The following PVR variants were observed in gnomAD, a reference collection of about 807,000 sequenced individuals.
The protein encoded by PVR is PVR cell adhesion molecule.
Under a neutral mutation model 43.3 loss-of-function variants are expected in PVR, and 39 were observed. That is an observed-to-expected ratio of 0.90 (90% CI 0.70 to 1.18). The LOEUF (loss-of-function observed/expected upper bound fraction) is 1.18. PVR is among the 50% of genes most tolerant of loss of function. The pLI, the probability that PVR is intolerant of heterozygous loss-of-function variation, is 0.00. For missense variants in PVR, 480 were observed against 549.7 expected (o/e 0.87, Z 1.27); for synonymous variants, 224 against 233.2 (o/e 0.96, Z 0.36).
chr19:44,660,647 C>T (rs551525920), intron 6 of PVR, among the ~76,000 whole-genome samples: 99 of 152,116 alleles, frequency 6.5e-4, no homozygotes, highest in African/African-American at 2.3e-3. Flanking sequence ...CTCAGCCTCT[C>T]GAGTAGCTGG....
intron 6 of PVR, 142 bp from the exon 7 acceptor site, chr19:44,661,150 T>C (rs1164666256): frequency 1.4e-6 from 1 of 728,536 alleles, no homozygotes; most frequent in Non-Finnish European, 2.5e-6. Flanking sequence ...GACACACGTG[T>C]ATACCATTAA....
rs902454593 is a variant in PVR, at chr19:44,664,711, C to T, written c.*2900C>T. The T allele has an allele frequency of 7.0e-6, 1 of 143,126 alleles. No individual in the cohort carries two copies. Among genetic ancestry groups the T allele is most frequent in the African/African-American group, 2.6e-5 (1 of 39,098 alleles). The allele number at this position is 143,126 out of a possible 1,614,324, so 8.9% of individuals were successfully genotyped here. A position where few individuals can be genotyped will look rare whatever the true frequency, so the allele number is the denominator to read the frequency against. ...ACTTTACACACTGTCATTTATTTTACTTTTTTTTTTTTTTATTTTAGAGAA... is the reference window on the plus strand; with the variant it reads ...ACTTTACACACTGTCATTTATTTTATTTTTTTTTTTTTTTATTTTAGAGAA... On this transcript the variant is annotated 3_prime_UTR_variant, in exon 8 of 8. Coordinates refer to ENST00000425690, the MANE Select transcript of PVR (RefSeq NM_006505.5).
intron 3 of PVR, among the ~76,000 whole-genome samples, chr19:44,652,251 T>C (rs1973302196): frequency 6.6e-6 from 1 of 152,188 alleles, no homozygotes; most frequent in South Asian, 2.1e-4. Context: ...CAGACTGGAG[T>C]GCAGTGGCAC....
At position 44,649,675 on chromosome 19, in the gene PVR, C is replaced by G. The variant is rs186441116; in HGVS notation, c.428-134C>G. On this transcript the variant is annotated intron_variant, in intron 2 of 7. Transcript: ENST00000425690. ...ACCCCAAGTGATCCACCCACCTCAGCCCCCCAAAGTTCTGGGATTATAGGC... is the reference window on the plus strand; with the variant it reads ...ACCCCAAGTGATCCACCCACCTCAGGCCCCCAAAGTTCTGGGATTATAGGC... 192 of 896,180 alleles carry G rather than the reference C, an allele frequency of 2.1e-4. No individual in the cohort carries two copies. In the African/African-American group the frequency reaches 2.9e-3, roughly 13 times the overall value. The allele number at this position is 896,180 out of a possible 1,614,324, so 55.5% of individuals were successfully genotyped here.
chr19:44,657,823 G>T lies in PVR; in HGVS notation c.904G>T (p.Val302Leu). 6.2e-7 allele frequency: 1 copy of T among 1,614,052 alleles called. No individual in the cohort carries two copies. The highest frequency in any genetic ancestry group is 1.7e-5 in the Admixed American group (1 of 59,982). ...GGGCGCCCAGCTCCTGATCCGTCCT[G>T]TGGACAAACCAATCAACACAACTTT... ...AQGAQLLIRPVDKPINTTLIC... is the reference protein window; with the variant it reads ...AQGAQLLIRPLDKPINTTLIC... The change falls in exon 5 of 8, where the codon GTG becomes TTG. Residue 302 changes from valine (V) to leucine (L), a missense_variant. Transcript: ENST00000425690.
At chr19:44,659,483 G>T (rs1468930338) in intron 6 of PVR, among the ~76,000 whole-genome samples, 2 of 152,072 alleles carry the variant, frequency 1.3e-5, no homozygotes, top group South Asian at 2.1e-4. Flanking sequence ...TATTATTTAT[G>T]TATTTATTTA....
rs976340835 is a variant in PVR at position 44,653,900 on chromosome 19, AC to A, written c.731del (p.Pro244GlnfsTer21). 10 of 1,605,528 alleles carry A rather than the reference AC, an allele frequency of 6.2e-6. No individual in the cohort carries two copies. The highest frequency in any genetic ancestry group is 8.5e-6 in the Non-Finnish European group (10 of 1,172,686). Reference protein sequence around the residue: ...QLLTVNLTVYYPPEVSISGYD... With the variant: ...QLLTVNLTVYXPPEVSISGYD... ...GAACCTCTGTATCCATTTCCTGCAGACCCCCCAGAGGTATCCATCTCTGGCT... is the reference window on the plus strand; with the variant it reads ...GAACCTCTGTATCCATTTCCTGCAGACCCCCAGAGGTATCCATCTCTGGCT... On this transcript the variant is annotated frameshift_variant and splice_region_variant, in exon 4 of 8. Transcript: ENST00000425690. LOFTEE classifies it high-confidence loss of function.
chr19:44,656,091 A>G (rs1973438607), intron 4 of PVR, among the ~76,000 whole-genome samples: 1 of 152,068 alleles, frequency 6.6e-6, no homozygotes, highest in East Asian at 1.9e-4. Flanking sequence ...AAAAAATTCA[A>G]AGAATAGAGA....
intron 2 of PVR, among the ~76,000 whole-genome samples, chr19:44,649,469 G>A (rs188966588): frequency 6.0e-5 from 8 of 134,180 alleles, no homozygotes; most frequent in Admixed American, 1.7e-4. Context: ...TCACTCTGTC[G>A]CCCAGGCTGG....
chr19:44,658,763 C>T lies in PVR; in HGVS notation c.1013C>T (p.Ser338Leu). Residue 338 changes from serine to leucine, a missense_variant, in exon 6 of 8, where the codon TCA (serine) becomes TTA (leucine). Coordinates refer to ENST00000425690, the MANE Select transcript of PVR (RefSeq NM_006505.5). ...TCAGAGGGACCTCCCAGTGAGCACT[C>T]AGGCATGTCCCGTAACGCCATCATC... ...QVKEGPPSEH[S>L]GMSRNAIIFL... is the part of the protein sequence containing the mutation. 1.9e-6 allele frequency: 3 copies of T among 1,610,428 alleles called. No homozygotes were observed. The highest frequency in any genetic ancestry group is 2.5e-6 in the Non-Finnish European group (3 of 1,176,758).
chr19:44,646,838 A>C (rs1443201405), intron 1 of PVR, among the ~76,000 whole-genome samples: 1 of 152,238 alleles, frequency 6.6e-6, no homozygotes, highest in Non-Finnish European at 1.5e-5. Context: ...CAATATCGTG[A>C]AATGTACATA....
chr19:44,648,296 TGAA>T (rs1400384226), intron 2 of PVR, among the ~76,000 whole-genome samples: 1 of 152,022 alleles, frequency 6.6e-6, no homozygotes, highest in Non-Finnish European at 1.5e-5. Context: ...CTTTATCTGG[TGAA>T]GAAGGAGAAA....
At chr19:44,653,170 A>G (rs560109908) in intron 3 of PVR, among the ~76,000 whole-genome samples, 1 of 152,200 alleles carries the variant, frequency 6.6e-6, no homozygotes, top group East Asian at 1.9e-4. Flanking sequence ...CACATTTTCA[A>G]CACTGGCCCG....
intron 2 of PVR, 142 bp from the exon 3 acceptor site, chr19:44,649,667 C>T: frequency 2.4e-6 from 2 of 824,018 alleles, no homozygotes; most frequent in Non-Finnish European, 3.8e-6. Flanking sequence ...GTGATCCACC[C>T]ACCTCAGCCC....
At chr19:44,657,495 C>G (rs981689952) in intron 4 of PVR, among the ~76,000 whole-genome samples, 2 of 152,064 alleles carry the variant, frequency 1.3e-5, no homozygotes, top group African/African-American at 4.8e-5. Context: ...TGCTGGGGGC[C>G]GGGATGCACA....
In PVR at chr19:44,649,892, G is replaced by T; in HGVS notation, c.511G>T (p.Gly171Cys). The T allele has an allele frequency of 6.2e-7, 1 of 1,613,914 alleles. No homozygotes were observed. Among genetic ancestry groups the T allele is most frequent in the Non-Finnish European group, 8.5e-7 (1 of 1,179,930 alleles). ...CATGGCCCGCTGCGTCTCCACAGGG[G>T]GTCGCCCGCCAGCCCAAATCACCTG... ...VPMARCVSTG[G>C]RPPAQITWHS... Residue 171 changes from glycine (G) to cysteine (C), a missense_variant, in exon 3 of 8, where the codon GGT (glycine) becomes TGT (cysteine). Coordinates refer to ENST00000425690, the MANE Select transcript of PVR (RefSeq NM_006505.5).
Position 44,647,037 on chromosome 19 carries a change from T to C in PVR, c.80-186T>C, listed in dbSNP as rs536901972. Among the ~76,000 whole-genome samples the C allele has an allele frequency of 3.4e-3, 522 of 152,298 alleles. 2 individuals carry two copies. The highest frequency in any genetic ancestry group is 0.01 in the South Asian group (49 of 4,828). ...AGTTGCAGACCATCCCAGACGCCCTTACCCTCCTCGCCTGCCATGGCCCCA... is the reference window on the plus strand; with the variant it reads ...AGTTGCAGACCATCCCAGACGCCCTCACCCTCCTCGCCTGCCATGGCCCCA... On this transcript the variant is annotated intron_variant, in intron 1 of 7. Transcript: ENST00000425690.
intron 5 of PVR, among the ~76,000 whole-genome samples, chr19:44,658,519 A>C (rs1015807141): frequency 2.0e-5 from 3 of 152,194 alleles, no homozygotes; most frequent in African/African-American, 7.2e-5. Flanking sequence ...CAGCCCACCT[A>C]TGAACCAATC....
In PVR at chr19:44,661,922, T is replaced by G; in HGVS notation, c.*111T>G. The stretch of plus-strand genomic sequence containing the variant: ...CCCCCTCCAAAGAGACCAGCCTCCC[T>G]CCCTGTGCCAGACCTCAAAACGACG... On this transcript the variant is annotated 3_prime_UTR_variant, in exon 8 of 8. Coordinates refer to ENST00000425690, the MANE Select transcript of PVR (RefSeq NM_006505.5). The G allele has an allele frequency of 9.7e-7, 1 of 1,027,104 alleles. No homozygotes were observed. 63.6% of individuals were successfully genotyped at this position (1,027,104 alleles called of 1,614,324 possible). A position where few individuals can be genotyped will look rare whatever the true frequency, so the allele number is the denominator to read the frequency against.
Sources: allele counts gnomAD v4.1 joint callset (sites outside exome capture counted in the v4.1 genomes callset), GRCh38; gene constraint gnomAD v4.1.1; transcripts MANE v1.5; gene names NCBI Gene and HGNC (gene_info 2026-07-23, HGNC 2026-07-21).